BICC1: variants seen among roughly 807,000 people sequenced by gnomAD.
The protein encoded by BICC1 is protein bicaudal C homolog 1.
In BICC1, 43 loss-of-function variants were observed where a neutral mutation model predicts 111.0. That is an observed-to-expected ratio of 0.39 (90% CI 0.30 to 0.50). BICC1 has a LOEUF of 0.50. Ranked by LOEUF, BICC1 falls within the 20% of genes least tolerant of loss-of-function variation. The pLI is 0.88. For synonymous variants in BICC1, 467 were observed against 434.4 expected (o/e 1.07, Z -0.93); for missense variants, 1,091 against 1,203.2 (o/e 0.91, Z 1.38).
chr10:58,763,274 C>A (rs1246643985), intron 3 of BICC1, among the ~76,000 whole-genome samples: 1 of 151,926 alleles, frequency 6.6e-6, no homozygotes, highest in Non-Finnish European at 1.5e-5. Flanking sequence ...TATATTTTTT[C>A]TTTTAAATGC....
At chr10:58,800,688 A>G (rs560926556) in intron 13 of BICC1, among the ~76,000 whole-genome samples, 2 of 152,180 alleles carry the variant, frequency 1.3e-5, no homozygotes, top group Non-Finnish European at 2.9e-5. Context: ...AATCTTTAAA[A>G]TATATGCGGG....
At chr10:58,718,637 G>T (rs1185713607) in intron 3 of BICC1, among the ~76,000 whole-genome samples, 1 of 152,054 alleles carries the variant, frequency 6.6e-6, no homozygotes, top group Admixed American at 6.5e-5. Context: ...CTAATAATGT[G>T]TTAATTTTTG....
chr10:58,602,731 A>G (rs1845081147), intron 1 of BICC1, among the ~76,000 whole-genome samples: 2 of 152,174 alleles, frequency 1.3e-5, no homozygotes, highest in African/African-American at 4.8e-5. Context: ...ACTCCCCTAA[A>G]TGTTTCCCTA....
intron 1 of BICC1, among the ~76,000 whole-genome samples, chr10:58,514,815 TGTTCTGTG>T (rs1842198148): frequency 6.6e-6 from 1 of 152,248 alleles, no homozygotes; most frequent in African/African-American, 2.4e-5. Context: ...TTATTTCGTC[TGTTCTGTG>T]GTTCTTTTTG....
chr10:58,619,750 C>G (rs1386563822), intron 1 of BICC1, among the ~76,000 whole-genome samples: 4 of 152,114 alleles, frequency 2.6e-5, no homozygotes, highest in Non-Finnish European at 5.9e-5. Context: ...GAATCTTTCA[C>G]TTAACAATGT....
At chr10:58,688,987 C>G (rs1487763269) in intron 2 of BICC1, among the ~76,000 whole-genome samples, 1 of 152,096 alleles carries the variant, frequency 6.6e-6, no homozygotes, top group Non-Finnish European at 1.5e-5. Flanking sequence ...GTGTAACAAA[C>G]CTGCACATTC....
chr10:58,612,760 A>G (rs1449719784), intron 1 of BICC1, among the ~76,000 whole-genome samples: 2 of 152,260 alleles, frequency 1.3e-5, no homozygotes, highest in Non-Finnish European at 2.9e-5. Flanking sequence ...AAGATGTTTC[A>G]TACTATGTTA....
chr10:58,825,227 G>T (rs879487409), intron 20 of BICC1, among the ~76,000 whole-genome samples: 1 of 152,128 alleles, frequency 6.6e-6, no homozygotes, highest in Admixed American at 6.6e-5. Flanking sequence ...TGAGTTGGCA[G>T]AGCCATGGGG....
chr10:58,815,266 G>T (rs766281420), intron 18 of BICC1, among the ~76,000 whole-genome samples: 1 of 152,182 alleles, frequency 6.6e-6, no homozygotes, highest in East Asian at 1.9e-4. Context: ...AGATTTGAAA[G>T]GAGTAATCAG....
intron 3 of BICC1, among the ~76,000 whole-genome samples, chr10:58,773,202 G>A (rs1167863435): frequency 6.6e-6 from 1 of 152,152 alleles, no homozygotes; most frequent in East Asian, 1.9e-4. Flanking sequence ...AAGACCTAAG[G>A]AATATTATTT....
chr10:58,692,890 T>C (rs1297181461), intron 2 of BICC1, among the ~76,000 whole-genome samples: 1 of 152,032 alleles, frequency 6.6e-6, no homozygotes, highest in Non-Finnish European at 1.5e-5. Flanking sequence ...CTTTAAGTTT[T>C]AGGGTACATG....
chr10:58,515,059 A>C (rs1401610908), intron 1 of BICC1, among the ~76,000 whole-genome samples: 1 of 152,226 alleles, frequency 6.6e-6, no homozygotes, highest in Non-Finnish European at 1.5e-5. Flanking sequence ...CCTGAGCTTT[A>C]GAAGTGAATT....
intron 2 of BICC1, among the ~76,000 whole-genome samples, chr10:58,691,004 G>A (rs1303085171): frequency 1.3e-5 from 2 of 151,990 alleles, no homozygotes; most frequent in Non-Finnish European, 2.9e-5. Context: ...GAGGATAATC[G>A]ACATAAGAAG....
intron 3 of BICC1, among the ~76,000 whole-genome samples, chr10:58,752,775 T>C (rs1035652724): frequency 1.3e-5 from 2 of 152,220 alleles, no homozygotes; most frequent in Non-Finnish European, 2.9e-5. Context: ...CCATGCACTT[T>C]CATTCGTGGC....
chr10:58,807,839 A>G (rs192097835), intron 17 of BICC1, among the ~76,000 whole-genome samples: 56 of 152,222 alleles, frequency 3.7e-4, no homozygotes, highest in African/African-American at 1.3e-3. Context: ...GTCTAGAGAG[A>G]GCGTGCACAC....
intron 1 of BICC1, among the ~76,000 whole-genome samples, chr10:58,563,808 G>A (rs1843678046): frequency 1.3e-5 from 2 of 152,178 alleles, no homozygotes; most frequent in Admixed American, 1.3e-4. Context: ...TGATAAAAAT[G>A]TTTAGCAATA....
intron 1 of BICC1, among the ~76,000 whole-genome samples, chr10:58,549,123 G>A (rs1224348142): frequency 6.7e-6 from 1 of 150,022 alleles, no homozygotes; most frequent in Non-Finnish European, 1.5e-5. Flanking sequence ...TGGGACTACA[G>A]GCATGAGCCA....
At chr10:58,588,410 C>T (rs967081108) in intron 1 of BICC1, among the ~76,000 whole-genome samples, 3 of 152,142 alleles carry the variant, frequency 2.0e-5, no homozygotes, top group African/African-American at 7.2e-5. Context: ...TCATATGCAT[C>T]AGTCACTTTG....
At chr10:58,558,475 T>C (rs189004592) in intron 1 of BICC1, among the ~76,000 whole-genome samples, 1 of 152,260 alleles carries the variant, frequency 6.6e-6, no homozygotes, top group Non-Finnish European at 1.5e-5. Context: ...GATTATTTTA[T>C]TTGTTTCCCC....
Sources: gnomAD v4.1 joint callset for allele counts (sites outside exome capture counted in the v4.1 genomes callset) on GRCh38, gnomAD v4.1.1 for gene constraint, MANE v1.5 for transcripts, NCBI Gene and HGNC (gene_info 2026-07-23, HGNC 2026-07-21) for gene names.